Variants in MUC6 observed in about 807,000 individuals in gnomAD.
MUC6 encodes the protein mucin-6.
MUC6 carries 188 observed loss-of-function variants against 201.5 expected under a neutral mutation model. That is an observed-to-expected ratio of 0.93 (90% CI 0.83 to 1.05). The LOEUF (loss-of-function observed/expected upper bound fraction) is 1.05, where lower values mean the gene tolerates loss of function less well. Ranked by LOEUF, MUC6 falls within the 50% of genes least tolerant of loss-of-function variation. The pLI is 0.00. For missense variants in MUC6, 2,706 were observed against 3,256.9 expected (o/e 0.83, Z 4.12); for synonymous variants, 1,228 against 1,389.4 (o/e 0.88, Z 2.58).
At chr11:1,020,849 G>A in intron 27 of MUC6, 115 bp from the exon 28 acceptor site, 1 of 1,339,000 alleles carries the variant, frequency 7.5e-7, no homozygotes. Context: ...TGGTGGAGGG[G>A]ACTGGAGGGG....
rs367679075 is a variant in MUC6 at position 1,027,954 on chromosome 11, C to T, written c.1848+11G>A. The T allele has an allele frequency of 3.6e-5, 57 of 1,567,000 alleles. No individual in the cohort carries two copies. The highest frequency in any genetic ancestry group is 3.1e-4 in the African/African-American group (23 of 73,808). Reference sequence around the variant, plus strand: ...CCCTGCAGCCCTCCCAAGACGCCCTCGGGCCCTCACCTTGTAGAAGGGTGC... The same window carrying T: ...CCCTGCAGCCCTCCCAAGACGCCCTTGGGCCCTCACCTTGTAGAAGGGTGC... On this transcript the variant is annotated intron_variant, in intron 15 of 32. Coordinates refer to ENST00000421673, the MANE Select transcript of MUC6 (RefSeq NM_005961.3).
chr11:1,031,314 G>A, intron 4 of MUC6, 55 bp from the exon 5 acceptor site: 1 of 1,483,054 alleles, frequency 6.7e-7, no homozygotes, highest in Non-Finnish European at 9.1e-7. Flanking sequence ...CTCATCTGCT[G>A]TGGAGGGCTC....
rs1007249336 is a variant in MUC6, at chr11:1,027,755, G to A, written c.1911C>T (p.Gly637=). The change falls in exon 16 of 33, where the codon GGC becomes GGT. Residue 637 remains glycine, a synonymous_variant. Transcript: ENST00000421673. ...GCAAGGAGCAGGCGTGTACGTAGTCGCCCAGGGCGGCACAGATGTGGGGAA... is the reference window on the plus strand; with the variant it reads ...GCAAGGAGCAGGCGTGTACGTAGTCACCCAGGGCGGCACAGATGTGGGGAA... ...ETFPHICAAL[G]DYVHACSLRG... is the part of the protein sequence containing the mutation. The A allele has an allele frequency of 6.2e-6, 10 of 1,610,012 alleles. No individual in the cohort carries two copies. The highest frequency in any genetic ancestry group is 4.5e-5 in the East Asian group (2 of 44,836).
rs142683328 is a variant in MUC6, at chr11:1,021,156, G to A, written c.3589+59C>T. The A allele has an allele frequency of 4.1e-5, 60 of 1,450,424 alleles. 2 individuals carry two copies. The East Asian group carries it at 7.1e-4, about 17-fold the overall frequency. The allele number at this position is 1,450,424 out of a possible 1,614,324, so 89.8% of individuals were successfully genotyped here. A position where few individuals can be genotyped will look rare whatever the true frequency, so the allele number is the denominator to read the frequency against. ...TCTCCCTTGTTTGTGGGATGTGGACGTGCGTTCTGCCTGCATGCAGGCAGG... is the reference window on the plus strand; with the variant it reads ...TCTCCCTTGTTTGTGGGATGTGGACATGCGTTCTGCCTGCATGCAGGCAGG... On this transcript the variant is annotated intron_variant, in intron 27 of 32. Transcript: ENST00000421673.
intron 30 of MUC6, 42 bp downstream of exon 30, chr11:1,019,233 G>A (rs771098785): frequency 4.4e-6 from 7 of 1,586,138 alleles, no homozygotes; most frequent in South Asian, 2.2e-5. Flanking sequence ...GTGGGACCGG[G>A]TGCCTTCGGC....
chr11:1,020,081 G>T lies in MUC6; in HGVS notation c.3808+9C>A. 1 of 1,613,128 alleles carries T rather than the reference G, an allele frequency of 6.2e-7. No individual in the cohort carries two copies. The highest frequency in any genetic ancestry group is 1.1e-5 in the South Asian group (1 of 90,910). On this transcript the variant is annotated intron_variant, in intron 29 of 32. Coordinates refer to ENST00000421673, the MANE Select transcript of MUC6 (RefSeq NM_005961.3). ...GCCCTCTCCATGGGCTCAGCTGGAG[G>T]CTCCTTACCTCCCGAGGAGGCTGTG...
chr11:1,015,563 GC>G (rs1856582674), intron 31 of MUC6, among the ~76,000 whole-genome samples, 198 bp downstream of exon 31: 1 of 152,178 alleles, frequency 6.6e-6, no homozygotes, highest in South Asian at 2.1e-4. Context: ...CCAGGCACTT[GC>G]TTGGCCAGGA....
Position 1,024,774 on chromosome 11 carries a change from C to T in MUC6, c.3225+70G>A, listed in dbSNP as rs954989118. ...GAGGGAGAACCGTGCCTGGCTTCCC[C>T]GCCCCTTCCCCCGCCCCCACCGGAC... is the stretch of plus-strand genomic sequence containing the variant. On this transcript the variant is annotated intron_variant, in intron 24 of 32. Transcript: ENST00000421673. 69 of 1,539,232 alleles carry T rather than the reference C, an allele frequency of 4.5e-5. No homozygotes were observed. The African/African-American group carries it at 6.7e-4, about 15-fold the overall frequency.
Position 1,018,570 on chromosome 11 carries a change from T to C in MUC6, c.4231A>G (p.Thr1411Ala). The change falls in exon 31 of 33, where the codon ACG becomes GCG. Residue 1411 changes from threonine (T) to alanine (A), a missense_variant. Thr to Ala is a moderately conservative substitution (Grantham distance 58). Transcript: ENST00000421673. Reference protein sequence around the residue: ...QTPHTTHSPPTAGSPVPSTGP... With the variant: ...QTPHTTHSPPAAGSPVPSTGP... ...GTGGAAGGGACGGGACTCCCCGCCG[T>C]AGGCGGGGAGTGTGTGGTGTGTGGG... 7 of 1,612,590 alleles carry C rather than the reference T, an allele frequency of 4.3e-6. No individual in the cohort carries two copies. The highest frequency in any genetic ancestry group is 5.9e-6 in the Non-Finnish European group (7 of 1,179,236).
intron 31 of MUC6, 55 bp downstream of exon 31, chr11:1,015,707 G>A (rs1856587021): frequency 3.3e-6 from 5 of 1,502,890 alleles, no homozygotes; most frequent in Non-Finnish European, 4.4e-6. Flanking sequence ...GGGCTGCCTG[G>A]GAGTCATGAG....
Position 1,025,066 on chromosome 11 carries a change from C to T in MUC6, c.3003G>A (p.Leu1001=). The T allele has an allele frequency of 6.2e-7, 1 of 1,612,422 alleles. No individual in the cohort carries two copies. The highest frequency in any genetic ancestry group is 8.5e-7 in the Non-Finnish European group (1 of 1,179,768). ...TCATGTTCCCGTTGAAGTTGCCACA[C>T]AAGCCGCAGAGGGGATCCTGCAGAC... ...ARASQDPLCG[L]CGNFNGNMKD... Residue 1001 remains leucine, a synonymous_variant, in exon 24 of 33, where the codon TTG becomes TTA. Coordinates refer to ENST00000421673, the MANE Select transcript of MUC6 (RefSeq NM_005961.3).
chr11:1,036,690 G>A lies in MUC6; in HGVS notation c.-35C>T. The A allele has an allele frequency of 6.5e-7, 1 of 1,540,968 alleles. No homozygotes were observed. On this transcript the variant is annotated 5_prime_UTR_variant, in exon 1 of 33. Transcript: ENST00000421673. ...TGGAGAGGAGCTCGCGCTGGGCCCG[G>A]CAGGCCTGCTGCTGCCATCCATGCG...
Position 1,026,343 on chromosome 11 carries a change from T to A in MUC6, c.2530A>T (p.Thr844Ser). The change falls in exon 20 of 33, where the codon ACT (threonine) becomes TCT (serine). Residue 844 changes from threonine to serine, a missense_variant. By Grantham distance (58) the Thr-to-Ser change is moderately conservative. Transcript: ENST00000421673. ...VSYPGGAELH[T>S]DCRTCSCSRG... The stretch of plus-strand genomic sequence containing the variant: ...TTGTCTCACCAGGTCCTGCAGTCAG[T>A]GTGGAGCTCAGCTCCTCCAGGGTAG... 1 of 1,591,592 alleles carries A rather than the reference T, an allele frequency of 6.3e-7. No homozygotes were observed. The highest frequency in any genetic ancestry group is 8.6e-7 in the Non-Finnish European group (1 of 1,169,156).
chr11:1,031,123 C>G (rs762415551), intron 5 of MUC6, 46 bp downstream of exon 5: 11 of 1,329,962 alleles, frequency 8.3e-6, no homozygotes, highest in Non-Finnish European at 2.0e-6. Context: ...CCCTGCCCCC[C>G]ACCTAGAGGC....
chr11:1,030,797 G>A lies in MUC6; in HGVS notation c.685-17C>T. On this transcript the variant is annotated splice_polypyrimidine_tract_variant and intron_variant, in intron 6 of 32. Coordinates refer to ENST00000421673, the MANE Select transcript of MUC6 (RefSeq NM_005961.3). ...GATCCGGGCCTGGGGGGGCCACTCA[G>A]GGTCATGGGGGCAAAGGCCACACCC... 1 of 1,533,974 alleles carries A rather than the reference G, an allele frequency of 6.5e-7. No homozygotes were observed. The highest frequency in any genetic ancestry group is 8.7e-7 in the Non-Finnish European group (1 of 1,145,524).
chr11:1,019,494 G>A lies in MUC6; in HGVS notation c.3811C>T (p.Pro1271Ser), dbSNP rs750923546. 1 of 1,613,230 alleles carries A rather than the reference G, an allele frequency of 6.2e-7. No homozygotes were observed. Among genetic ancestry groups the A allele is most frequent in the South Asian group, 1.1e-5 (1 of 91,046 alleles). ...GTGACGGCCGTGGTTGGTCTAGGTG[G>A]TTCTGCAGAGGACAGCCGCCCGGAA... ...SSKPTASSGE[P>S]PRPTTAVTPQ... The change falls in exon 30 of 33, where the codon CCA becomes TCA. Residue 1271 changes from proline to serine, a missense_variant and splice_region_variant. Transcript: ENST00000421673.
chr11:1,020,782 C>T, intron 27 of MUC6, 48 bp from the exon 28 acceptor site: 1 of 1,598,560 alleles, frequency 6.3e-7, no homozygotes. Flanking sequence ...AGCCTCCCCA[C>T]CCCGTGGGGC....
chr11:1,023,775 G>C (rs1856881984), intron 25 of MUC6, 123 bp from the exon 26 acceptor site: 1 of 1,471,890 alleles, frequency 6.8e-7, no homozygotes, highest in African/African-American at 1.4e-5. Flanking sequence ...CCCTCTTGGT[G>C]AAGCCTCCCC....
At chr11:1,019,032 C>A (rs1590042591) in intron 30 of MUC6, among the ~76,000 whole-genome samples, 1 of 152,226 alleles carries the variant, frequency 6.6e-6, no homozygotes, top group East Asian at 1.9e-4. Flanking sequence ...ACTTTATCCC[C>A]TTCTGGTTCC....
Sources: gnomAD v4.1 joint callset for allele counts (sites outside exome capture counted in the v4.1 genomes callset) on GRCh38, gnomAD v4.1.1 for gene constraint, MANE v1.5 for transcripts, NCBI Gene and HGNC (gene_info 2026-07-23, HGNC 2026-07-21) for gene names.